The following TBCE variants were observed in gnomAD, a reference collection of about 807,000 sequenced individuals.
TBCE encodes tubulin folding cofactor E, also known as tubulin-specific chaperone E.
In TBCE, 53 loss-of-function variants were observed where a neutral mutation model predicts 77.0. The observed-to-expected ratio is 0.69, with a 90% CI of 0.55 to 0.87. TBCE has a LOEUF of 0.87. TBCE is among the 40% of genes least tolerant of loss of function. The probability of loss-of-function intolerance (pLI) is 0.00; values close to 1 mark genes in which losing one functional copy is unlikely to be tolerated. For missense variants in TBCE, 624 were observed against 622.4 expected (o/e 1.00, Z -0.03); for synonymous variants, 235 against 241.3 (o/e 0.97, Z 0.24).
chr1:235,370,521 G>C (rs1286745219), intron 1 of TBCE, among the ~76,000 whole-genome samples: 1 of 150,960 alleles, frequency 6.6e-6, no homozygotes, highest in East Asian at 1.9e-4. Context: ...AAAGTGCTGG[G>C]ATTACAGGCG....
At chr1:235,370,478 G>C (rs1447208106) in intron 1 of TBCE, among the ~76,000 whole-genome samples, 5 of 150,408 alleles carry the variant, frequency 3.3e-5, no homozygotes, top group Admixed American at 6.6e-5. Flanking sequence ...GTCTTGAACT[G>C]CTGACCTTGT....
intron 2 of TBCE, among the ~76,000 whole-genome samples, chr1:235,394,963 C>G (rs6684130): frequency 2.0e-5 from 3 of 152,016 alleles, no homozygotes; most frequent in Non-Finnish European, 4.4e-5. Context: ...CCTTGGCCTC[C>G]GAAAGTGCTG....
intron 3 of TBCE, among the ~76,000 whole-genome samples, chr1:235,407,746 G>A (rs958260951): frequency 1.3e-5 from 2 of 152,134 alleles, no homozygotes; most frequent in African/African-American, 2.4e-5. Flanking sequence ...ATGGCCGTGC[G>A]CCAGTCACCC....
In TBCE at chr1:235,400,660, A is replaced by G. The variant is rs145567200; in HGVS notation, c.101-843A>G. 2.8e-3 allele frequency among the ~76,000 whole-genome samples: 421 copies of G among 151,076 alleles called. 6 individuals are homozygous for G. Among genetic ancestry groups the G allele is most frequent in the Admixed American group, 0.025 (386 of 15,156 alleles). On this transcript the variant is annotated intron_variant, in intron 2 of 16. Transcript: ENST00000642610. ...CGTGATCCGCCTGCCTCTGCCTCTC[A>G]AAGTGCTGGGGTTACAGGCGTGAGC... is the stretch of plus-strand genomic sequence containing the variant.
intron 1 of TBCE, among the ~76,000 whole-genome samples, chr1:235,378,911 G>A (rs970625189): frequency 1.3e-5 from 2 of 152,094 alleles, no homozygotes; most frequent in African/African-American, 4.8e-5. Flanking sequence ...ATGAAGGTTT[G>A]GAAATTAACC....
chr1:235,437,195 T>C, intron 11 of TBCE, 127 bp from the exon 12 acceptor site: 1 of 1,074,724 alleles, frequency 9.3e-7, no homozygotes, highest in South Asian at 1.3e-5. Context: ...GGGGATTGCT[T>C]AGTGCATGAT....
chr1:235,444,617 C>T (rs1682120826), intron 15 of TBCE, among the ~76,000 whole-genome samples: 1 of 152,176 alleles, frequency 6.6e-6, no homozygotes, highest in South Asian at 2.1e-4. Flanking sequence ...GTTGCTAAGG[C>T]TGGCCTCAAA....
chr1:235,450,229 G>A lies in TBCE; in HGVS notation c.*1467G>A, dbSNP rs1682811467. On this transcript the variant is annotated 3_prime_UTR_variant, in exon 17 of 17. Coordinates refer to ENST00000642610, the MANE Select transcript of TBCE (RefSeq NM_003193.5). ...TGTTATCTTGCTTGACATCGACAAG[G>A]ATCACCGCACCGTTCCTTCAGTTTC... The A allele has an allele frequency of 6.2e-7, 1 of 1,613,946 alleles. No individual in the cohort carries two copies. The highest frequency in any genetic ancestry group is 8.5e-7 in the Non-Finnish European group (1 of 1,180,020).
At chr1:235,387,125 CGCGA>C (rs1678060164) in intron 2 of TBCE, among the ~76,000 whole-genome samples, 1 of 152,172 alleles carries the variant, frequency 6.6e-6, no homozygotes, top group Non-Finnish European at 1.5e-5. Context: ...TTTCGTGAAC[CGCGA>C]ATGCTGCTGT....
intron 15 of TBCE, among the ~76,000 whole-genome samples, chr1:235,443,209 C>CA (rs1189572132): frequency 6.6e-6 from 1 of 151,516 alleles, no homozygotes; most frequent in Non-Finnish European, 1.5e-5. Context: ...CACACACACA[C>CA]AATTTTTTTT....
chr1:235,367,824 A>T (rs1313408140), intron 1 of TBCE, among the ~76,000 whole-genome samples: 1 of 152,226 alleles, frequency 6.6e-6, no homozygotes, highest in East Asian at 1.9e-4. Flanking sequence ...CCTTAGAGGA[A>T]CAGCCTCGTC....
In TBCE at chr1:235,433,008, C is replaced by T. The variant is rs16832613; in HGVS notation, c.661-1196C>T. ...ACATGCAGAAAGACGCCAGCAAGTT[C>T]GTGGATCTGTGCGTGCTGCAGAAAT... is the stretch of plus-strand genomic sequence containing the variant. On this transcript the variant is annotated intron_variant, in intron 7 of 16. Transcript: ENST00000642610. The T allele has an allele frequency of 4.2e-3, 6,465 of 1,521,900 alleles. 233 individuals carry two copies. The African/African-American group carries it at 0.076, about 18-fold the overall frequency. The allele number at this position is 1,521,900 out of a possible 1,614,324, so 94.3% of individuals were successfully genotyped here. A position where few individuals can be genotyped will look rare whatever the true frequency, so the allele number is the denominator to read the frequency against.
chr1:235,434,360 C>G, intron 8 of TBCE, 80 bp downstream of exon 8: 2 of 1,270,988 alleles, frequency 1.6e-6, no homozygotes, highest in South Asian at 1.2e-5. Flanking sequence ...TTATATCTAA[C>G]CTTAATTTTT....
chr1:235,435,607 G>A (rs1295222839), intron 8 of TBCE, 138 bp from the exon 9 acceptor site: 3 of 734,652 alleles, frequency 4.1e-6, no homozygotes, highest in Non-Finnish European at 7.1e-6. Context: ...GGACCACTCA[G>A]GTTGCCCCTT....
At chr1:235,428,188 G>T (rs538097988) in intron 6 of TBCE, among the ~76,000 whole-genome samples, 1 of 152,200 alleles carries the variant, frequency 6.6e-6, no homozygotes, top group East Asian at 1.9e-4. Context: ...GCCGGGCGTG[G>T]TGGTGGGCAC....
At chr1:235,371,514 A>C (rs1008472088) in intron 1 of TBCE, among the ~76,000 whole-genome samples, 1 of 147,536 alleles carries the variant, frequency 6.8e-6, no homozygotes, top group African/African-American at 2.5e-5. Flanking sequence ...AGCTGGGATT[A>C]TACGCGTGTG....
chr1:235,432,905 A>C, intron 7 of TBCE: 6 of 845,052 alleles, frequency 7.1e-6, no homozygotes, highest in Non-Finnish European at 9.1e-6. Flanking sequence ...AATATATAAT[A>C]ATTTTTTGTA....
intron 2 of TBCE, among the ~76,000 whole-genome samples, chr1:235,381,117 A>C (rs1008763701): frequency 6.6e-6 from 1 of 152,018 alleles, no homozygotes; most frequent in African/African-American, 2.4e-5. Flanking sequence ...AACTGCTGGA[A>C]CCAAGCTGAT....
intron 2 of TBCE, among the ~76,000 whole-genome samples, chr1:235,387,804 G>A (rs1436408726): frequency 1.3e-5 from 2 of 152,136 alleles, no homozygotes; most frequent in African/African-American, 4.8e-5. Flanking sequence ...CCCCAAAAGA[G>A]GGTTCTTGGA....
Sources: gnomAD v4.1 joint callset for allele counts (sites outside exome capture counted in the v4.1 genomes callset) on GRCh38, gnomAD v4.1.1 for gene constraint, MANE v1.5 for transcripts, NCBI Gene and HGNC (gene_info 2026-07-23, HGNC 2026-07-21) for gene names.